CAMK4: variants seen among roughly 807,000 people sequenced by gnomAD.
The protein encoded by CAMK4 is calcium/calmodulin-dependent protein kinase type IV.
CAMK4 carries 22 observed loss-of-function variants against 44.9 expected under a neutral mutation model. The observed-to-expected ratio is 0.49, with a 90% CI of 0.35 to 0.70. The LOEUF (loss-of-function observed/expected upper bound fraction) is 0.70, where lower values mean the gene tolerates loss of function less well. Ranked by LOEUF, CAMK4 falls within the 30% of genes least tolerant of loss-of-function variation. The pLI is 0.01. For missense variants in CAMK4, 498 were observed against 586.8 expected (o/e 0.85, Z 1.56); for synonymous variants, 218 against 215.4 (o/e 1.01, Z -0.11).
intron 2 of CAMK4, among the ~76,000 whole-genome samples, chr5:111,374,347 T>C (rs891392486): frequency 6.6e-6 from 1 of 152,154 alleles, no homozygotes; most frequent in Admixed American, 6.6e-5. Flanking sequence ...GCAAAATTTT[T>C]GGAGAGGCTC....
intron 7 of CAMK4, among the ~76,000 whole-genome samples, chr5:111,458,142 G>A (rs930299160): frequency 6.6e-6 from 1 of 152,202 alleles, no homozygotes; most frequent in Admixed American, 6.5e-5. Flanking sequence ...TTCTCCCTAA[G>A]GAGATTGTGT....
At chr5:111,373,853 A>C (rs930001567) in intron 2 of CAMK4, among the ~76,000 whole-genome samples, 7 of 152,162 alleles carry the variant, frequency 4.6e-5, no homozygotes, top group Admixed American at 3.9e-4. Context: ...TGTTTTGATA[A>C]ATTTTGTTGG....
intron 5 of CAMK4, among the ~76,000 whole-genome samples, chr5:111,402,993 A>G (rs929752003): frequency 2.0e-5 from 3 of 152,128 alleles, no homozygotes; most frequent in Non-Finnish European, 4.4e-5. Flanking sequence ...AAGATACTGA[A>G]CCGTTTTTTC....
intron 2 of CAMK4, among the ~76,000 whole-genome samples, chr5:111,369,509 C>T (rs1161747965): frequency 2.0e-5 from 3 of 152,052 alleles, no homozygotes; most frequent in African/African-American, 7.2e-5. Context: ...ATTAAAATGT[C>T]TATATTTTTC....
At chr5:111,373,436 T>TGG (rs1751088151) in intron 2 of CAMK4, among the ~76,000 whole-genome samples, 1 of 137,426 alleles carries the variant, frequency 7.3e-6, no homozygotes, top group East Asian at 2.2e-4. Context: ...AATATATTTA[T>TGG]ATGTTGCAAC....
intron 1 of CAMK4, among the ~76,000 whole-genome samples, chr5:111,275,622 A>C (rs918845655): frequency 6.6e-6 from 1 of 152,096 alleles, no homozygotes; most frequent in African/African-American, 2.4e-5. Flanking sequence ...ATAGCTTGGG[A>C]GTAAAGCATT....
intron 1 of CAMK4, among the ~76,000 whole-genome samples, chr5:111,229,137 C>A (rs1004001482): frequency 1.3e-5 from 2 of 152,176 alleles, no homozygotes; most frequent in Non-Finnish European, 2.9e-5. Context: ...GTGCTCTTGG[C>A]TCTGGTTGAT....
intron 1 of CAMK4, among the ~76,000 whole-genome samples, chr5:111,314,000 G>A (rs1259884786): frequency 6.6e-6 from 1 of 152,038 alleles, no homozygotes; most frequent in East Asian, 1.9e-4. Flanking sequence ...GTGAATGTTA[G>A]TATTCTTAAG....
chr5:111,479,891 C>T (rs912516549), intron 9 of CAMK4, among the ~76,000 whole-genome samples: 1 of 152,108 alleles, frequency 6.6e-6, no homozygotes, highest in East Asian at 1.9e-4. Context: ...GGACCACTGC[C>T]CCAACCTCCT....
In CAMK4 at chr5:111,251,456, A is replaced by G. The variant is rs557461121; in HGVS notation, c.161+26812A>G. 6.6e-5 allele frequency among the ~76,000 whole-genome samples: 10 copies of G among 152,370 alleles called. No individual in the cohort carries two copies. The East Asian group carries it at 1.5e-3, about 23-fold the overall frequency. ...TCAGAACCTAAAAAAACTCCAAGAC[A>G]GTCAGAGAAGAGAACTTCCTAACAA... On this transcript the variant is annotated intron_variant, in intron 1 of 10. Coordinates refer to ENST00000282356, the MANE Select transcript of CAMK4 (RefSeq NM_001744.6).
At chr5:111,300,924 C>G (rs1201347961) in intron 1 of CAMK4, among the ~76,000 whole-genome samples, 1 of 152,122 alleles carries the variant, frequency 6.6e-6, no homozygotes, top group Admixed American at 6.5e-5. Context: ...GAAAACATCT[C>G]TCTGTTGTGT....
chr5:111,335,316 A>G (rs1749354713), intron 1 of CAMK4, among the ~76,000 whole-genome samples: 1 of 151,414 alleles, frequency 6.6e-6, no homozygotes, highest in Non-Finnish European at 1.5e-5. Flanking sequence ...CTTCATTCCC[A>G]AAAATATTAA....
intron 2 of CAMK4, among the ~76,000 whole-genome samples, chr5:111,355,049 C>G (rs954340807): frequency 6.6e-6 from 1 of 152,084 alleles, no homozygotes; most frequent in Non-Finnish European, 1.5e-5. Context: ...CTGATGTGCT[C>G]TGGAAGTACA....
rs1203733069 is a variant in CAMK4, at chr5:111,249,682, G to A, written c.161+25038G>A. On this transcript the variant is annotated intron_variant, in intron 1 of 10. Transcript: ENST00000282356. ...TGTATATATATGTGTGTGTGTGTGT[G>A]TGTGTGTGTGTGTGTGTGTGTGTAT... 2.7e-3 allele frequency among the ~76,000 whole-genome samples: 395 copies of A among 145,724 alleles called. 8 individuals are homozygous for A. The highest frequency in any genetic ancestry group is 0.024 in the Admixed American group (346 of 14,610).
At chr5:111,374,001 A>G (rs183240169) in intron 2 of CAMK4, among the ~76,000 whole-genome samples, 452 of 152,274 alleles carry the variant, frequency 3.0e-3, no homozygotes, top group Admixed American at 4.5e-3. Flanking sequence ...CTAAATCGCC[A>G]TTGTCCCAAA....
chr5:111,413,381 A>G (rs1461559609), intron 5 of CAMK4, among the ~76,000 whole-genome samples: 4 of 152,226 alleles, frequency 2.6e-5, no homozygotes, highest in Admixed American at 6.5e-5. Flanking sequence ...GTTTGAGACC[A>G]GCCTGGCCAA....
At chr5:111,446,434 G>A (rs996668333) in intron 5 of CAMK4, among the ~76,000 whole-genome samples, 3 of 152,140 alleles carry the variant, frequency 2.0e-5, no homozygotes, top group Admixed American at 6.5e-5. Context: ...ACTAATATTA[G>A]CTGAGGAGTA....
At chr5:111,274,365 G>C (rs1400783468) in intron 1 of CAMK4, among the ~76,000 whole-genome samples, 2 of 152,066 alleles carry the variant, frequency 1.3e-5, no homozygotes, top group African/African-American at 4.8e-5. Flanking sequence ...TAGAATGAAA[G>C]GTTTATTTTC....
chr5:111,242,277 T>C (rs1163931507), intron 1 of CAMK4, among the ~76,000 whole-genome samples: 3 of 152,152 alleles, frequency 2.0e-5, no homozygotes, highest in African/African-American at 7.2e-5. Flanking sequence ...TCACTTATCC[T>C]TTCTGAGTCT....
Sources: allele counts gnomAD v4.1 joint callset (sites outside exome capture counted in the v4.1 genomes callset), GRCh38; gene constraint gnomAD v4.1.1; transcripts MANE v1.5; gene names NCBI Gene and HGNC (gene_info 2026-07-23, HGNC 2026-07-21).